Variants in IL3RA observed in about 807,000 individuals in gnomAD.
IL3RA encodes the protein interleukin 3 receptor subunit alpha.
In IL3RA, 73 loss-of-function variants were observed where a neutral mutation model predicts 52.3. The ratio of observed to expected loss-of-function variants is 1.40; its 90% CI spans 1.16 to 1.70. IL3RA has a LOEUF of 1.70. IL3RA is among the 40% of genes most tolerant of loss of function. IL3RA has a pLI of 0.00. For missense variants in IL3RA, 664 were observed against 504.4 expected (o/e 1.32, Z -3.03); for synonymous variants, 260 against 194.0 (o/e 1.34, Z -2.83).
intron 10 of IL3RA, among the ~76,000 whole-genome samples, chrX:1,380,804 T>A (rs1285678194): frequency 6.6e-6 from 1 of 151,446 alleles, no homozygotes; most frequent in African/African-American, 2.4e-5. Flanking sequence ...GTGGCTCCGG[T>A]ACCAGCGCCC....
rs772917610 is a variant in IL3RA, at chrX:1,348,445, C to G, written c.198C>G (p.Ser66Arg). Residue 66 changes from serine to arginine, a missense_variant, in exon 4 of 12, where the codon AGC (serine) becomes AGG (arginine). Ser to Arg is a moderately radical substitution (Grantham distance 110). Coordinates refer to ENST00000331035, the MANE Select transcript of IL3RA (RefSeq NM_002183.4). ...ADYSMPAVNN[S>R]YCQFGAISLC... The stretch of plus-strand genomic sequence containing the variant: ...GTCTCTCTTAGGCAGTGAACAATAG[C>G]TATTGCCAGTTTGGAGCAATTTCCT... 4 of 1,613,398 alleles carry G rather than the reference C, an allele frequency of 2.5e-6. No individual in the cohort carries two copies. Among genetic ancestry groups the G allele is most frequent in the South Asian group, 1.1e-5 (1 of 91,060 alleles).
At chrX:1,349,050 C>T (rs2085956741) in intron 4 of IL3RA, among the ~76,000 whole-genome samples, 1 of 151,340 alleles carries the variant, frequency 6.6e-6, no homozygotes, top group East Asian at 1.9e-4. Flanking sequence ...CTCTGTTGCC[C>T]AGGCTGGAGC....
At chrX:1,378,170 G>A (rs1391315487) in intron 9 of IL3RA, among the ~76,000 whole-genome samples, 1 of 139,528 alleles carries the variant, frequency 7.2e-6, no homozygotes, top group Admixed American at 7.4e-5. Flanking sequence ...GCGACAAAAC[G>A]AGACTCCATC....
At position 1,356,272 on chromosome X, in the gene IL3RA, T is replaced by G. The variant is rs1314831314; in HGVS notation, c.668T>G (p.Phe223Cys). The change falls in exon 7 of 12, where the codon TTT (phenylalanine) becomes TGT (cysteine). Residue 223 changes from phenylalanine (F) to cysteine (C), a missense_variant. By Grantham distance (205) the Phe-to-Cys change is radical. Coordinates refer to ENST00000331035, the MANE Select transcript of IL3RA (RefSeq NM_002183.4). ...MTAKCNKTHS[F>C]MHWKMRSHFN... The stretch of plus-strand genomic sequence containing the variant: ...GCAAAGTGTAATAAGACACATTCCT[T>G]TATGCACTGGAAAATGAGAAGTCAT... 6.2e-7 allele frequency: 1 copy of G among 1,613,732 alleles called. No individual in the cohort carries two copies. Among genetic ancestry groups the G allele is most frequent in the South Asian group, 1.1e-5 (1 of 91,064 alleles).
In IL3RA at chrX:1,356,223, A is replaced by C. The variant is rs755681924; in HGVS notation, c.619A>C (p.Ile207Leu). Reference protein sequence around the residue: ...DKFVVFSQIEILTPPNMTAKC... With the variant: ...DKFVVFSQIELLTPPNMTAKC... Reference sequence around the variant, plus strand: ...AAAAGTGTTTTTCTCGTTGCTAGAGATATTAACTCCACCCAACATGACTGC... The same window carrying C: ...AAAAGTGTTTTTCTCGTTGCTAGAGCTATTAACTCCACCCAACATGACTGC... Residue 207 changes from isoleucine to leucine, a missense_variant and splice_region_variant, in exon 7 of 12, where the codon ATA becomes CTA. Ile to Leu is a conservative substitution (Grantham distance 5). Transcript: ENST00000331035. 1 of 1,585,588 alleles carries C rather than the reference A, an allele frequency of 6.3e-7. No individual in the cohort carries two copies. Among genetic ancestry groups the C allele is most frequent in the South Asian group, 1.1e-5 (1 of 90,006 alleles).
At chrX:1,340,948 C>G (rs1446301173) in intron 1 of IL3RA, among the ~76,000 whole-genome samples, 2 of 152,282 alleles carry the variant, frequency 1.3e-5, no homozygotes, top group South Asian at 2.1e-4. Context: ...GAAACCCCGT[C>G]TCTGCTAAAA....
intron 7 of IL3RA, among the ~76,000 whole-genome samples, chrX:1,357,321 G>A (rs1183161204): frequency 2.6e-5 from 4 of 150,988 alleles, no homozygotes; most frequent in South Asian, 2.1e-4. Context: ...TTTTTGAGAC[G>A]GAGTCCTGCT....
At chrX:1,344,591 G>T (rs2085645098) in intron 2 of IL3RA, among the ~76,000 whole-genome samples, 1 of 151,196 alleles carries the variant, frequency 6.6e-6, no homozygotes, top group Non-Finnish European at 1.5e-5. Context: ...TGGCCAACAT[G>T]GTGAAACCCC....
At chrX:1,358,820 CG>C in intron 7 of IL3RA, 40 bp from the exon 8 acceptor site, 2 of 1,611,322 alleles carry the variant, frequency 1.2e-6, no homozygotes, top group Non-Finnish European at 1.7e-6. Context: ...CTTTCAGGGA[CG>C]GTCCAGACAC....
At chrX:1,350,498 A>G (rs766141891) in intron 4 of IL3RA, among the ~76,000 whole-genome samples, 1 of 150,784 alleles carries the variant, frequency 6.6e-6, no homozygotes, top group South Asian at 2.1e-4. Context: ...CTGAGGCAGG[A>G]GAATCACTTG....
At chrX:1,345,280 C>T (rs758077204) in intron 2 of IL3RA, 36 bp from the exon 3 acceptor site, 11 of 1,408,222 alleles carry the variant, frequency 7.8e-6, no homozygotes, top group African/African-American at 2.9e-5. Context: ...AAGATTCTTA[C>T]GTATCTCTTC....
At position 1,348,683 on chromosome X, in the gene IL3RA, TTTC is replaced by T. The variant is rs1183428659; in HGVS notation, c.298+141_298+143del. ...CTTTCTTTCTTTCTTTCTTTCTTTC[TTTC>T]TTTCTTTTTCTTTCTTTCTGTTTCT... is the stretch of plus-strand genomic sequence containing the variant. On this transcript the variant is annotated intron_variant, in intron 4 of 11. Transcript: ENST00000331035. 18 of 272,314 alleles carry T rather than the reference TTTC, an allele frequency of 6.6e-5. 1 individual carries two copies. The highest frequency in any genetic ancestry group is 1.4e-4 in the South Asian group (3 of 21,860). 16.9% of individuals were successfully genotyped at this position (272,314 alleles called of 1,614,324 possible).
chrX:1,379,175 T>C (rs1471303861), intron 10 of IL3RA, among the ~76,000 whole-genome samples: 2 of 148,226 alleles, frequency 1.3e-5, no homozygotes, highest in African/African-American at 5.0e-5. Flanking sequence ...TTATTATTAT[T>C]TTTTGAGTCT....
Position 1,348,678 on chromosome X carries a change from CTTTCTTTCTTTCTT to C in IL3RA, c.298+147_298+160del, listed in dbSNP as rs1242408972. On this transcript the variant is annotated intron_variant, in intron 4 of 11. Transcript: ENST00000331035. The stretch of plus-strand genomic sequence containing the variant: ...TCTTTCTTTCTTTCTTTCTTTCTTT[CTTTCTTTCTTTCTT>C]TTTCTTTCTTTCTGTTTCTGTTTCT... 4.2e-5 allele frequency: 20 copies of C among 476,828 alleles called. 1 individual carries two copies. The highest frequency in any genetic ancestry group is 2.2e-4 in the Admixed American group (5 of 22,814). 29.5% of individuals were successfully genotyped at this position (476,828 alleles called of 1,614,324 possible).
rs776217498 is a variant in IL3RA at position 1,358,848 on chromosome X, T to C, written c.733-13T>C. On this transcript the variant is annotated splice_polypyrimidine_tract_variant and intron_variant, in intron 7 of 11. Transcript: ENST00000331035. ...TCCAGACACTCAAAAGTTTGCTTGCTTTTGTGTTGCAGAGAATGCAGCCTG... is the reference window on the plus strand; with the variant it reads ...TCCAGACACTCAAAAGTTTGCTTGCCTTTGTGTTGCAGAGAATGCAGCCTG... The C allele has an allele frequency of 8.7e-6, 14 of 1,613,264 alleles. No homozygotes were observed. The highest frequency in any genetic ancestry group is 1.2e-5 in the Non-Finnish European group (14 of 1,179,632).
rs756714524 is a variant in IL3RA, at chrX:1,365,119, A to C, written c.760-19A>C. ...CCACCATACCTGGCCCCTCTTCTTT[A>C]TTTTCTTTCAAACCACAGGTCAGAG... On this transcript the variant is annotated intron_variant, in intron 8 of 11. Transcript: ENST00000331035. The C allele has an allele frequency of 3.2e-6, 5 of 1,582,916 alleles. No homozygotes were observed. The highest frequency in any genetic ancestry group is 3.4e-5 in the Admixed American group (2 of 59,664).
chrX:1,367,626 A>C (rs1418346863), intron 9 of IL3RA, among the ~76,000 whole-genome samples: 9 of 73,570 alleles, frequency 1.2e-4, no homozygotes, highest in Admixed American at 7.6e-4. Context: ...GCGCGGGGTG[A>C]GCGGGGTGCG....
At chrX:1,348,604 C>T (rs1221428147) in intron 4 of IL3RA, 59 bp downstream of exon 4, 15 of 1,193,026 alleles carry the variant, frequency 1.3e-5, no homozygotes, top group South Asian at 2.4e-5. Context: ...CCCTCTCTCC[C>T]TCCCTCTCGC....
Position 1,352,181 on chromosome X carries a change from G to A in IL3RA, c.380G>A (p.Gly127Asp). 6.2e-7 allele frequency: 1 copy of A among 1,613,762 alleles called. No homozygotes were observed. The highest frequency in any genetic ancestry group is 1.7e-4 in the Middle Eastern group (1 of 6,046). The change falls in exon 5 of 12, where the codon GGC becomes GAC. Residue 127 changes from glycine to aspartate, a missense_variant. Coordinates refer to ENST00000331035, the MANE Select transcript of IL3RA (RefSeq NM_002183.4). ...VDFLSCSWAVGPGAPADVQYD... is the reference protein window; with the variant it reads ...VDFLSCSWAVDPGAPADVQYD... ...TTCTTGAGCTGCAGCTGGGCGGTAG[G>A]CCCGGGGGCCCCCGCGGACGTCCAG...
Sources: allele counts gnomAD v4.1 joint callset (sites outside exome capture counted in the v4.1 genomes callset), GRCh38; gene constraint gnomAD v4.1.1; transcripts MANE v1.5; gene names NCBI Gene and HGNC (gene_info 2026-07-23, HGNC 2026-07-21).